Variants in ERAP1 observed in about 807,000 individuals in gnomAD.
ERAP1 encodes the protein endoplasmic reticulum aminopeptidase 1.
ERAP1 carries 86 observed loss-of-function variants against 103.7 expected under a neutral mutation model. The observed-to-expected ratio is 0.83, with a 90% CI of 0.70 to 0.99. The LOEUF (loss-of-function observed/expected upper bound fraction) is 0.99. Ranked by LOEUF, ERAP1 falls within the 50% of genes least tolerant of loss-of-function variation. ERAP1 has a pLI of 0.00. For missense variants in ERAP1, 1,009 were observed against 1,128.4 expected, an observed-to-expected ratio of 0.89 and a Z score of 1.52; for synonymous variants, 398 against 402.4, an observed-to-expected ratio of 0.99 and a Z score of 0.13.
chr5:96,860,879 C>T, the ERAP1 span, among the ~76,000 whole-genome samples: 1 of 152,158 alleles, frequency 6.6e-6, no homozygotes, highest in African/African-American at 2.4e-5. Context: ...CTTACCTCTG[C>T]CAATCCAATG....
the ERAP1 span, among the ~76,000 whole-genome samples, chr5:96,830,291 T>C: frequency 2.0e-5 from 3 of 152,286 alleles, no homozygotes; most frequent in East Asian, 3.9e-4. Context: ...CAAAAGGTAA[T>C]TTAAAAATCC....
the ERAP1 span, among the ~76,000 whole-genome samples, chr5:96,909,311 T>C: frequency 6.6e-6 from 1 of 152,220 alleles, no homozygotes; most frequent in Non-Finnish European, 1.5e-5. Flanking sequence ...CAGGATCATG[T>C]GCAAAACATC....
At chr5:96,814,216 T>C in the ERAP1 span, 16 of 456,062 alleles carry the variant, frequency 3.5e-5, no homozygotes, top group African/African-American at 3.0e-4. Flanking sequence ...AGAACCTCAG[T>C]GTTTTGCTGA....
chr5:96,911,986 G>A, the ERAP1 span, among the ~76,000 whole-genome samples: 1,272 of 151,014 alleles, frequency 8.4e-3, 15 homozygotes, highest in African/African-American at 0.029. Context: ...TCAGGAAATC[G>A]AGACCATCCT....
chr5:96,900,318 C>T, the ERAP1 span: 1 of 1,380,104 alleles, frequency 7.2e-7, no homozygotes, highest in Non-Finnish European at 9.6e-7. Flanking sequence ...CCACGATTTT[C>T]TCTAAAACAA....
chr5:96,868,249 T>A, the ERAP1 span, among the ~76,000 whole-genome samples: 1 of 152,172 alleles, frequency 6.6e-6, no homozygotes, highest in Admixed American at 6.6e-5. Flanking sequence ...TGCATATTAT[T>A]GAAGGCAGTT....
At chr5:96,922,981 G>C in the ERAP1 span, among the ~76,000 whole-genome samples, 1 of 151,542 alleles carries the variant, frequency 6.6e-6, no homozygotes, top group African/African-American at 2.4e-5. Flanking sequence ...TTTGTTTTTT[G>C]TTTTTTGTTT....
At chr5:96,895,224 A>T in the ERAP1 span, 27 of 1,360,708 alleles carry the variant, frequency 2.0e-5, no homozygotes, top group Non-Finnish European at 1.0e-5. Flanking sequence ...ACTTCTAATA[A>T]TATTGAGTTT....
chr5:96,795,052 T>G lies in ERAP1; in HGVS notation c.909A>C (p.Leu303=). 1 of 1,613,990 alleles carries G rather than the reference T, an allele frequency of 6.2e-7. No homozygotes were observed. Among genetic ancestry groups the G allele is most frequent in the South Asian group, 1.1e-5 (1 of 91,066 alleles). ...GTGCAAAATCTCTACCTTGTTTGGG[T>G]AGGGGATACGGTATGCTGAAATAAT... ...YEDYFSIPYP[L]PKQDLAAIPD... Residue 303 remains leucine, a synonymous_variant, in exon 5 of 19, where the codon CTA becomes CTC. Transcript: ENST00000443439.
At chr5:96,849,754 AC>A in the ERAP1 span, among the ~76,000 whole-genome samples, 3 of 152,224 alleles carry the variant, frequency 2.0e-5, no homozygotes, top group Admixed American at 1.3e-4. Flanking sequence ...AATGGAAAAA[AC>A]AATCCTAAGA....
the ERAP1 span, among the ~76,000 whole-genome samples, chr5:96,823,287 A>C: frequency 6.6e-6 from 1 of 152,206 alleles, no homozygotes; most frequent in Non-Finnish European, 1.5e-5. Flanking sequence ...TCACATGAAG[A>C]CAACACCAGG....
At chr5:96,809,401 A>G (rs1283649612), upstream of ERAP1, among the ~76,000 whole-genome samples, 1 of 152,200 alleles carries the variant, frequency 6.6e-6, no homozygotes, top group Non-Finnish European at 1.5e-5. Flanking sequence ...TAGTGGGAAC[A>G]GGACCCTTTT....
Position 96,781,799 on chromosome 5 carries a change from C to T in ERAP1, c.2341G>A (p.Gly781Ser), listed in dbSNP as rs1775207562. 2.5e-6 allele frequency: 4 copies of T among 1,614,008 alleles called. No individual in the cohort carries two copies. The highest frequency in any genetic ancestry group is 1.3e-5 in the African/African-American group (1 of 74,898). ...TATTTACTATAAAGAAAATCCCAGC[C>T]TTCTGTGCTCTGGGCCCCCACAGCA... ...VFAVGAQSTE[G>S]WDFLYSKYQF... The change falls in exon 16 of 19, where the codon GGC (glycine) becomes AGC (serine). Residue 781 changes from glycine (G) to serine (S), a missense_variant. Transcript: ENST00000443439.
chr5:96,875,515 G>A, the ERAP1 span, among the ~76,000 whole-genome samples: 1 of 147,806 alleles, frequency 6.8e-6, no homozygotes, highest in Non-Finnish European at 1.5e-5. Flanking sequence ...CAACCTGGGT[G>A]ACAGAGTGAG....
chr5:96,846,351 T>C, the ERAP1 span, among the ~76,000 whole-genome samples: 1 of 152,234 alleles, frequency 6.6e-6, no homozygotes, highest in Non-Finnish European at 1.5e-5. Context: ...TCTGAAAGTT[T>C]TCTGCACATT....
chr5:96,808,111 T>G, upstream of ERAP1: 1 of 985,038 alleles, frequency 1.0e-6, no homozygotes, highest in Admixed American at 6.2e-5. Flanking sequence ...AAATGAGCGC[T>G]GCACGCCGGG....
At chr5:96,846,222 T>G in the ERAP1 span, among the ~76,000 whole-genome samples, 1 of 152,202 alleles carries the variant, frequency 6.6e-6, no homozygotes, top group Admixed American at 6.5e-5. Flanking sequence ...CAGAGGCCCA[T>G]GATCTATCCT....
downstream of ERAP1, chr5:96,772,490 A>G (rs1453967443): frequency 6.6e-6 from 1 of 152,536 alleles, no homozygotes; most frequent in East Asian, 1.9e-4. Context: ...AAATTAAAAA[A>G]AATTCTATTA....
the ERAP1 span, chr5:96,823,033 T>C: frequency 2.2e-6 from 1 of 456,232 alleles, no homozygotes; most frequent in Non-Finnish European, 4.4e-6. Flanking sequence ...CTTCAGTTTC[T>C]TGCTGGCTGT....
Sources: allele counts gnomAD v4.1 joint callset (sites outside exome capture counted in the v4.1 genomes callset), GRCh38; gene constraint gnomAD v4.1.1; transcripts MANE v1.5; gene names NCBI Gene and HGNC (gene_info 2026-07-23, HGNC 2026-07-21).